The following TRIM44 variants were observed in gnomAD, a reference collection of about 807,000 sequenced individuals.
The protein encoded by TRIM44 is tripartite motif containing 44, also known as tripartite motif-containing protein 44.
A neutral mutation model predicts 37.4 loss-of-function variants in TRIM44; 13 were observed. That is an observed-to-expected ratio of 0.35 (90% CI 0.23 to 0.55). The LOEUF (loss-of-function observed/expected upper bound fraction) is 0.55, where lower values mean the gene tolerates loss of function less well. Among genes scored for constraint, TRIM44 ranks in the 20% least tolerant of loss-of-function variants. TRIM44 has a pLI of 0.89. For synonymous variants in TRIM44, 175 were observed against 157.2 expected (o/e 1.11, Z -0.85); for missense variants, 426 against 437.2 (o/e 0.97, Z 0.23).
rs148284661 is a variant in TRIM44, at chr11:35,681,280, G to A, written c.670-3979G>A. Among the ~76,000 whole-genome samples, 282 of 152,294 alleles carry A rather than the reference G, an allele frequency of 1.9e-3. 2 individuals are homozygous for A. Among genetic ancestry groups the A allele is most frequent in the African/African-American group, 6.5e-3 (271 of 41,560 alleles). ...GTGAGAATACACTGCTTTTCAGTGA[G>A]ATGCCAATGAAAGAGCATATGAAAG... On this transcript the variant is annotated intron_variant, in intron 1 of 4. Transcript: ENST00000299413.
At chr11:35,705,781 A>G (rs530345533) in intron 2 of TRIM44, among the ~76,000 whole-genome samples, 1,962 of 147,444 alleles carry the variant, frequency 0.013, 83 homozygotes, top group African/African-American at 0.045. Context: ...AGGGAAATTT[A>G]TAGCACTAAA....
intron 3 of TRIM44, among the ~76,000 whole-genome samples, chr11:35,727,384 C>A (rs1469052027): frequency 1.3e-5 from 2 of 152,076 alleles, no homozygotes; most frequent in Non-Finnish European, 2.9e-5. Context: ...GAGAGCCTGG[C>A]CACAGAATAA....
chr11:35,663,070 A>AGCCCCGGG lies in TRIM44; in HGVS notation c.-35_-28dup. The AGCCCCGGG allele has an allele frequency of 1.4e-6, 2 of 1,479,706 alleles. No homozygotes were observed. The highest frequency in any genetic ancestry group is 1.8e-6 in the Non-Finnish European group (2 of 1,123,320). The allele number at this position is 1,479,706 out of a possible 1,614,324, so 91.7% of individuals were successfully genotyped here. ...GAGGCCGCGCGGAAGGAAGGCGGCG[A>AGCCCCGGG]GCCCCGGGGCCCCGAGGCCTTGGCC... is the stretch of plus-strand genomic sequence containing the variant. On this transcript the variant is annotated 5_prime_UTR_variant, in exon 1 of 5. Transcript: ENST00000299413.
At chr11:35,681,474 A>G (rs1246672173) in intron 1 of TRIM44, among the ~76,000 whole-genome samples, 1 of 152,042 alleles carries the variant, frequency 6.6e-6, no homozygotes, top group East Asian at 1.9e-4. Flanking sequence ...TTTATTCTAC[A>G]CCTTCTTAGG....
chr11:35,689,762 C>A (rs1214260619), intron 2 of TRIM44, among the ~76,000 whole-genome samples: 1 of 152,148 alleles, frequency 6.6e-6, no homozygotes, highest in Admixed American at 6.5e-5. Context: ...CAGAGGTAAC[C>A]TAGGCTTGGA....
chr11:35,750,488 T>A (rs1261033683), intron 4 of TRIM44, among the ~76,000 whole-genome samples: 2 of 152,174 alleles, frequency 1.3e-5, no homozygotes, highest in African/African-American at 4.8e-5. Context: ...GGCCACCTTC[T>A]TGGAGCTCCA....
At chr11:35,725,818 A>C in intron 2 of TRIM44, 106 bp from the exon 3 acceptor site, 2 of 1,215,622 alleles carry the variant, frequency 1.6e-6, no homozygotes, top group African/African-American at 1.5e-5. Context: ...TTAGGATTGG[A>C]TAGGATCCAT....
chr11:35,758,346 T>G (rs1305121097), intron 4 of TRIM44, among the ~76,000 whole-genome samples: 9 of 152,222 alleles, frequency 5.9e-5, no homozygotes, highest in Admixed American at 3.3e-4. Flanking sequence ...GTTTTCCATT[T>G]GCTTAGTAGA....
At chr11:35,677,840 A>G (rs985005788) in intron 1 of TRIM44, among the ~76,000 whole-genome samples, 3 of 152,228 alleles carry the variant, frequency 2.0e-5, no homozygotes, top group African/African-American at 7.2e-5. Flanking sequence ...AATAATGATA[A>G]GTACTGTGAA....
intron 2 of TRIM44, among the ~76,000 whole-genome samples, chr11:35,709,453 G>T (rs1851938679): frequency 6.6e-6 from 1 of 152,058 alleles, no homozygotes; most frequent in African/African-American, 2.4e-5. Flanking sequence ...AAATCTTTAA[G>T]AGCTAAATTT....
rs138199661 is a variant in TRIM44 at position 35,766,464 on chromosome 11, C to T, written c.1007+31019C>T. On this transcript the variant is annotated intron_variant, in intron 4 of 4. Transcript: ENST00000299413. The stretch of plus-strand genomic sequence containing the variant: ...TTATTTCCCTAGAGAGACAAACCAG[C>T]GTACAATCTAAGATGACAGTTGAGA... Among the ~76,000 whole-genome samples, 283 of 152,300 alleles carry T rather than the reference C, an allele frequency of 1.9e-3. 2 individuals are homozygous for T. Among genetic ancestry groups the T allele is most frequent in the African/African-American group, 6.5e-3 (271 of 41,568 alleles).
chr11:35,755,937 G>A (rs1479041023), intron 4 of TRIM44, among the ~76,000 whole-genome samples: 85 of 147,628 alleles, frequency 5.8e-4, no homozygotes, highest in African/African-American at 1.6e-3. Context: ...GTCAGGTAGC[G>A]TGATGCCTCC....
chr11:35,677,142 T>C (rs1272903240), intron 1 of TRIM44, among the ~76,000 whole-genome samples: 1 of 152,210 alleles, frequency 6.6e-6, no homozygotes, highest in African/African-American at 2.4e-5. Context: ...AGGTTAAGTT[T>C]TGCTGACAGT....
intron 4 of TRIM44, among the ~76,000 whole-genome samples, chr11:35,778,108 T>G (rs1166786806): frequency 1.3e-5 from 2 of 152,190 alleles, no homozygotes; most frequent in Non-Finnish European, 2.9e-5. Flanking sequence ...AGATGTAGAT[T>G]TGGTCTTTTC....
In TRIM44 at chr11:35,722,864, A is replaced by C. The variant is rs576787506; in HGVS notation, c.748-3060A>C. ...TGGCTTTGGTTCAGACGCCTGTGAC[A>C]AAACAAATGTTTCTGAAATATTCAG... On this transcript the variant is annotated intron_variant, in intron 2 of 4. Transcript: ENST00000299413. 3.3e-5 allele frequency among the ~76,000 whole-genome samples: 5 copies of C among 152,292 alleles called. No homozygotes were observed. The South Asian group carries it at 1.0e-3, about 32-fold the overall frequency.
chr11:35,689,502 G>T (rs1313079700), intron 2 of TRIM44, among the ~76,000 whole-genome samples: 1 of 152,082 alleles, frequency 6.6e-6, no homozygotes, highest in East Asian at 1.9e-4. Context: ...GTTTGACTTG[G>T]TTTAGTTTGC....
At chr11:35,793,802 C>T (rs1162771188) in intron 4 of TRIM44, among the ~76,000 whole-genome samples, 5 of 152,130 alleles carry the variant, frequency 3.3e-5, no homozygotes, top group African/African-American at 7.2e-5. Context: ...GTAGTTTCAG[C>T]GCTGCCTAGG....
rs748782411 is a variant in TRIM44 at position 35,663,737 on chromosome 11, G to T, written c.626G>T (p.Gly209Val). 6.2e-7 allele frequency: 1 copy of T among 1,614,042 alleles called. No homozygotes were observed. Among genetic ancestry groups the T allele is most frequent in the Non-Finnish European group, 8.5e-7 (1 of 1,180,026 alleles). The change falls in exon 1 of 5, where the codon GGC (glycine) becomes GTC (valine). Residue 209 changes from glycine (G) to valine (V), a missense_variant. This residue lies in a region of TRIM44 where 331 missense variants were observed against 303.0 expected (regional missense o/e 1.09). Coordinates refer to ENST00000299413, the MANE Select transcript of TRIM44 (RefSeq NM_017583.6). ...TGTCCAGTCATTGGGGCTCACCAGG[G>T]CCACCAACTCTCCACCCTAGACGAA... is the stretch of plus-strand genomic sequence containing the variant. The part of the protein sequence containing the change: ...VLCPVIGAHQ[G>V]HQLSTLDEAF...
chr11:35,806,403 T>G lies in TRIM44; in HGVS notation c.*18T>G, dbSNP rs1279177153. 6.2e-7 allele frequency: 1 copy of G among 1,613,544 alleles called. No individual in the cohort carries two copies. Among genetic ancestry groups the G allele is most frequent in the Non-Finnish European group, 8.5e-7 (1 of 1,179,578 alleles). On this transcript the variant is annotated 3_prime_UTR_variant, in exon 5 of 5. Transcript: ENST00000299413. ...ACACATGAAGGCTTGCTACCCCCAG[T>G]GGAAAATCATCCCCTCCCCTTGTGT...
Sources: gnomAD v4.1 joint callset for allele counts (sites outside exome capture counted in the v4.1 genomes callset) on GRCh38, gnomAD v4.1.1 for gene constraint, gnomAD v4.1.1 regional missense constraint, MANE v1.5 for transcripts, NCBI Gene and HGNC (gene_info 2026-07-23, HGNC 2026-07-21) for gene names.